The following TULP4 variants were observed in gnomAD, a reference collection of about 807,000 sequenced individuals.
The protein encoded by TULP4 is TUB like protein 4, also known as tubby-related protein 4.
Under a neutral mutation model 129.0 loss-of-function variants are expected in TULP4, and 16 were observed. The ratio of observed to expected loss-of-function variants is 0.12; its 90% confidence interval spans 0.08 to 0.19. The LOEUF (loss-of-function observed/expected upper bound fraction) is 0.19, where lower values mean the gene tolerates loss of function less well. TULP4 is among the 10% of genes least tolerant of loss of function. The pLI is 1.00. For missense variants in TULP4, 1,842 were observed against 2,059.1 expected, an observed-to-expected ratio of 0.89 and a Z score of 2.04; for synonymous variants, 998 against 854.0, an observed-to-expected ratio of 1.17 and a Z score of -2.94.
At chr6:158,378,405 A>G (rs928713094) in intron 1 of TULP4, among the ~76,000 whole-genome samples, 2 of 140,584 alleles carry the variant, frequency 1.4e-5, no homozygotes, top group East Asian at 2.1e-4. Context: ...TAGGGTTTCT[A>G]TCTTGGGAGC....
intron 1 of TULP4, among the ~76,000 whole-genome samples, chr6:158,288,972 A>G (rs1778880098): frequency 6.6e-6 from 1 of 152,164 alleles, no homozygotes; most frequent in Non-Finnish European, 1.5e-5. Context: ...CACTTTTTAA[A>G]TATTCTGATT....
At chr6:158,448,860 C>T in intron 3 of TULP4, 136 bp from the exon 4 acceptor site, 2 of 820,060 alleles carry the variant, frequency 2.4e-6, no homozygotes, top group East Asian at 2.7e-5. Flanking sequence ...TTTTGTGTCA[C>T]TGTGCTGTTG....
At chr6:158,337,907 A>G (rs1372805203) in intron 1 of TULP4, among the ~76,000 whole-genome samples, 1 of 152,136 alleles carries the variant, frequency 6.6e-6, no homozygotes, top group Non-Finnish European at 1.5e-5. Context: ...AAACCATCTC[A>G]TTTTTAAGAT....
chr6:158,340,445 G>C (rs1467048666), intron 1 of TULP4, among the ~76,000 whole-genome samples: 2 of 152,020 alleles, frequency 1.3e-5, no homozygotes, highest in Non-Finnish European at 2.9e-5. Flanking sequence ...GTGCACACAG[G>C]GTGAGCGTGT....
chr6:158,296,666 A>C (rs1779038903), intron 1 of TULP4, among the ~76,000 whole-genome samples: 1 of 151,798 alleles, frequency 6.6e-6, no homozygotes, highest in Non-Finnish European at 1.5e-5. Context: ...TATTTTCCCT[A>C]AGTGTCAGCC....
intron 1 of TULP4, among the ~76,000 whole-genome samples, chr6:158,387,047 A>T (rs908393278): frequency 1.3e-5 from 2 of 152,174 alleles, no homozygotes; most frequent in East Asian, 1.9e-4. Flanking sequence ...TTGGGGGGGA[A>T]ACTGCATACC....
intron 1 of TULP4, among the ~76,000 whole-genome samples, chr6:158,272,819 C>T (rs983196453): frequency 6.6e-6 from 1 of 152,190 alleles, no homozygotes; most frequent in African/African-American, 2.4e-5. Context: ...TGTAACTTTA[C>T]TATAGTAGAT....
At chr6:158,287,618 A>G (rs1397875190) in intron 1 of TULP4, among the ~76,000 whole-genome samples, 1 of 152,202 alleles carries the variant, frequency 6.6e-6, no homozygotes, top group South Asian at 2.1e-4. Flanking sequence ...CATTTGCTGT[A>G]GAAGACCATA....
At chr6:158,410,733 A>G (rs1778079492) in intron 1 of TULP4, among the ~76,000 whole-genome samples, 1 of 152,192 alleles carries the variant, frequency 6.6e-6, no homozygotes, top group African/African-American at 2.4e-5. Context: ...TGACATGTTC[A>G]ATGTCATTTA....
chr6:158,246,025 T>G (rs12176247), intron 1 of TULP4, among the ~76,000 whole-genome samples: 2,053 of 51,004 alleles, frequency 0.04, 56 homozygotes, highest in East Asian at 0.31. Context: ...CCCTTAGGGG[T>G]GTGTGTGTGT....
chr6:158,372,400 C>T (rs944066449), intron 1 of TULP4, among the ~76,000 whole-genome samples: 10 of 151,752 alleles, frequency 6.6e-5, no homozygotes, highest in Non-Finnish European at 1.5e-5. Flanking sequence ...AAGCATTTAA[C>T]ATTGAACCAC....
At chr6:158,457,805 G>A (rs947241648) in intron 5 of TULP4, among the ~76,000 whole-genome samples, 1 of 152,126 alleles carries the variant, frequency 6.6e-6, no homozygotes, top group Non-Finnish European at 1.5e-5. Flanking sequence ...TGAGGCAGGT[G>A]GTTTCAGTCA....
chr6:158,416,319 CAG>C (rs1778207078), intron 2 of TULP4, among the ~76,000 whole-genome samples: 1 of 152,194 alleles, frequency 6.6e-6, no homozygotes, highest in Non-Finnish European at 1.5e-5. Context: ...GTTTGACACT[CAG>C]TATTAACGAT....
intron 1 of TULP4, among the ~76,000 whole-genome samples, chr6:158,383,072 C>G (rs2114920278): frequency 6.6e-6 from 1 of 152,352 alleles, no homozygotes; most frequent in African/African-American, 2.4e-5. Context: ...AGCAGTCTGA[C>G]AAATTTTGTT....
intron 1 of TULP4, among the ~76,000 whole-genome samples, chr6:158,256,277 G>C (rs1477853505): frequency 6.6e-6 from 1 of 152,098 alleles, no homozygotes; most frequent in African/African-American, 2.4e-5. Flanking sequence ...TTCTTTGCCA[G>C]TGCGTGCATG....
chr6:158,305,320 T>TGC (rs1554278434), intron 1 of TULP4, among the ~76,000 whole-genome samples: 9 of 110,812 alleles, frequency 8.1e-5, no homozygotes, highest in South Asian at 3.4e-4. Context: ...TTTCATTCTG[T>TGC]GTGCGTGTGT....
At chr6:158,393,602 A>G (rs1777638889) in intron 1 of TULP4, among the ~76,000 whole-genome samples, 1 of 152,160 alleles carries the variant, frequency 6.6e-6, no homozygotes, top group Non-Finnish European at 1.5e-5. Flanking sequence ...ATCATATAGA[A>G]GCTACTGAGG....
chr6:158,411,336 T>G (rs1388735343), intron 1 of TULP4, among the ~76,000 whole-genome samples: 1 of 152,108 alleles, frequency 6.6e-6, no homozygotes, highest in Non-Finnish European at 1.5e-5. Context: ...GTGGGTGGTG[T>G]TCACAAGCTG....
chr6:158,498,752 T>C lies in TULP4; in HGVS notation c.1954T>C (p.Tyr652His). Reference sequence around the variant, plus strand: ...AGAAGTTCGGAAAATTTCCATGGACTATATTAATTTACCTGTCTTCAACCC... The same window carrying C: ...AGAAGTTCGGAAAATTTCCATGGACCATATTAATTTACCTGTCTTCAACCC... ...LPEVRKISMD[Y>H]INLPVFNPNV... Residue 652 changes from tyrosine (Y) to histidine (H), a missense_variant, in exon 12 of 14, where the codon TAT becomes CAT. By Grantham distance (83) the Tyr-to-His change is moderately conservative. Coordinates refer to ENST00000367097, the MANE Select transcript of TULP4 (RefSeq NM_020245.5). The C allele has an allele frequency of 6.2e-7, 1 of 1,614,236 alleles. No individual in the cohort carries two copies. Among genetic ancestry groups the C allele is most frequent in the South Asian group, 1.1e-5 (1 of 91,082 alleles).
Sources: gnomAD v4.1 joint callset for allele counts (sites outside exome capture counted in the v4.1 genomes callset) on GRCh38, gnomAD v4.1.1 for gene constraint, MANE v1.5 for transcripts, NCBI Gene and HGNC (gene_info 2026-07-23, HGNC 2026-07-21) for gene names.